The following PDK1 variants were observed in gnomAD, a reference collection of about 807,000 sequenced individuals.
The protein encoded by PDK1 is [Pyruvate dehydrogenase (acetyl-transferring)] kinase isozyme 1, mitochondrial.
A neutral mutation model predicts 54.2 loss-of-function variants in PDK1; 39 were observed. The ratio of observed to expected loss-of-function variants is 0.72; its 90% CI spans 0.56 to 0.94. The LOEUF is 0.94. PDK1 is among the 40% of genes least tolerant of loss of function. PDK1 has a pLI of 0.00. For missense variants in PDK1, 552 were observed against 566.0 expected (o/e 0.98, Z 0.25); for synonymous variants, 221 against 207.1 (o/e 1.07, Z -0.58).
chr2:172,694,179 C>T, the PDK1 span, among the ~76,000 whole-genome samples: 1 of 152,156 alleles, frequency 6.6e-6, no homozygotes, highest in Non-Finnish European at 1.5e-5. Context: ...AGAGTAAAGA[C>T]GTTAGGATCC....
the PDK1 span, among the ~76,000 whole-genome samples, chr2:172,687,508 G>A: frequency 2.6e-5 from 4 of 152,090 alleles, no homozygotes; most frequent in African/African-American, 7.2e-5. Flanking sequence ...TCCTGTTTCT[G>A]TAATTGGTCT....
chr2:172,649,764 G>T, the PDK1 span, among the ~76,000 whole-genome samples: 1 of 152,266 alleles, frequency 6.6e-6, no homozygotes, highest in South Asian at 2.1e-4. Context: ...TGAATGAAAT[G>T]AAGCGAGAAC....
At chr2:172,721,200 T>A in the PDK1 span, among the ~76,000 whole-genome samples, 1 of 152,242 alleles carries the variant, frequency 6.6e-6, no homozygotes, top group African/African-American at 2.4e-5. Context: ...GCTACCTAGT[T>A]GCCCTATGGC....
At chr2:172,704,402 A>C in the PDK1 span, among the ~76,000 whole-genome samples, 7 of 152,136 alleles carry the variant, frequency 4.6e-5, no homozygotes, top group Non-Finnish European at 7.4e-5. Context: ...AGTTGGGGTG[A>C]AAGGGATTAC....
At chr2:172,641,267 T>C in the PDK1 span, among the ~76,000 whole-genome samples, 2 of 151,890 alleles carry the variant, frequency 1.3e-5, no homozygotes, top group Admixed American at 6.6e-5. Context: ...GCTGGTACTA[T>C]AGGCACGAAT....
In PDK1 at chr2:172,592,933, A is replaced by G. The variant is rs141619550; in HGVS notation, c.1057-2A>G. 4 of 1,580,338 alleles carry G rather than the reference A, an allele frequency of 2.5e-6. No homozygotes were observed. The highest frequency in any genetic ancestry group is 1.3e-5 in the African/African-American group (1 of 74,160). On this transcript the variant is annotated splice_acceptor_variant, in intron 9 of 10. Coordinates refer to ENST00000282077, the MANE Select transcript of PDK1 (RefSeq NM_002610.5). LOFTEE classifies it high-confidence loss of function. ...TAGAATTTTGTTTTTCTCATCAAAC[A>G]GGCTGGTTTTGGTTATGGATTGCCC...
chr2:172,637,813 AG>A, the PDK1 span, among the ~76,000 whole-genome samples: 3 of 152,146 alleles, frequency 2.0e-5, no homozygotes, highest in African/African-American at 7.2e-5. Context: ...CTCGTGCCTC[AG>A]CCTCCCGAGC....
At chr2:172,678,213 G>A in the PDK1 span, among the ~76,000 whole-genome samples, 4 of 152,018 alleles carry the variant, frequency 2.6e-5, no homozygotes, top group Non-Finnish European at 5.9e-5. Context: ...ACCACAAAGG[G>A]AAGTCTATCG....
At chr2:172,570,973 C>A in intron 8 of PDK1, 149 bp downstream of exon 8, 1 of 557,248 alleles carries the variant, frequency 1.8e-6, no homozygotes, top group South Asian at 2.6e-5. Context: ...AAGCACATTG[C>A]TTCATTGAGC....
chr2:172,704,110 C>G, the PDK1 span, among the ~76,000 whole-genome samples: 3 of 152,244 alleles, frequency 2.0e-5, no homozygotes, highest in East Asian at 3.9e-4. Context: ...TTTCATTTAA[C>G]AAAGGAATAC....
chr2:172,689,041 AG>A, the PDK1 span, among the ~76,000 whole-genome samples: 1 of 152,224 alleles, frequency 6.6e-6, no homozygotes, highest in African/African-American at 2.4e-5. Context: ...CAGCATGGAA[AG>A]GGACCCGAGT....
chr2:172,557,461 A>T (rs1688396220), intron 1 of PDK1, among the ~76,000 whole-genome samples: 1 of 152,174 alleles, frequency 6.6e-6, no homozygotes, highest in South Asian at 2.1e-4. Context: ...TTAGGGAGTG[A>T]TATGGGATCC....
At chr2:172,660,928 ATT>A in the PDK1 span, among the ~76,000 whole-genome samples, 132 of 152,274 alleles carry the variant, frequency 8.7e-4, no homozygotes, top group Non-Finnish European at 1.7e-3. Context: ...AAGAATAAAT[ATT>A]CTTTGCTTTC....
At chr2:172,719,482 G>T in the PDK1 span, among the ~76,000 whole-genome samples, 2 of 152,046 alleles carry the variant, frequency 1.3e-5, no homozygotes, top group African/African-American at 4.8e-5. Flanking sequence ...GGTTCAGCTG[G>T]TCTTTTTAAG....
At chr2:172,704,256 G>A in the PDK1 span, among the ~76,000 whole-genome samples, 1 of 152,122 alleles carries the variant, frequency 6.6e-6, no homozygotes, top group Non-Finnish European at 1.5e-5. Context: ...ACTTCCCACA[G>A]CGAAGTGGTG....
rs1457312001 is a variant in PDK1, at chr2:172,556,216, C to T, written c.66C>T (p.Ala22=). 1 of 1,423,024 alleles carries T rather than the reference C, an allele frequency of 7.0e-7. No homozygotes were observed. Among genetic ancestry groups the T allele is most frequent in the Non-Finnish European group, 9.1e-7 (1 of 1,096,128 alleles). 88.1% of individuals were successfully genotyped at this position (1,423,024 alleles called of 1,614,324 possible). Residue 22 remains alanine (A), a synonymous_variant, in exon 1 of 11, where the codon GCC becomes GCT. Coordinates refer to ENST00000282077, the MANE Select transcript of PDK1 (RefSeq NM_002610.5). ...GCCCGGGCCCGGGGCTGCGCGCCGC[C>T]GGCTTCAGCCGCAGCTTCAGCTCGG... ...LAGPGPGLRA[A]GFSRSFSSDS...
the PDK1 span, among the ~76,000 whole-genome samples, chr2:172,671,539 G>GTT: frequency 2.8e-3 from 389 of 139,964 alleles, 10 homozygotes; most frequent in East Asian, 0.063. Context: ...CCCTCTATTG[G>GTT]TTTTTTTTTT....
chr2:172,559,911 A>C (rs1688564564), intron 2 of PDK1, among the ~76,000 whole-genome samples: 1 of 151,938 alleles, frequency 6.6e-6, no homozygotes, highest in African/African-American at 2.4e-5. Context: ...TGGTGATCAC[A>C]GCTCAGCTCA....
chr2:172,618,956 A>T, the PDK1 span, among the ~76,000 whole-genome samples: 1 of 152,180 alleles, frequency 6.6e-6, no homozygotes, highest in Non-Finnish European at 1.5e-5. Flanking sequence ...TGCAGCTAAT[A>T]TCCCCAGCAG....
Sources: allele counts gnomAD v4.1 joint callset (sites outside exome capture counted in the v4.1 genomes callset), GRCh38; gene constraint gnomAD v4.1.1; transcripts MANE v1.5; gene names NCBI Gene and HGNC (gene_info 2026-07-23, HGNC 2026-07-21).